RYR2: variants seen among roughly 807,000 people sequenced by gnomAD.
The protein encoded by RYR2 is ryanodine receptor 2, also known as cardiac muscle ryanodine receptor-calcium release channel.
Under a neutral mutation model 601.1 loss-of-function variants are expected in RYR2, and 227 were observed. The ratio of observed to expected loss-of-function variants is 0.38; its 90% confidence interval spans 0.34 to 0.42. RYR2 has a LOEUF of 0.42. Among genes scored for constraint, RYR2 ranks in the 10% least tolerant of loss-of-function variants. RYR2 has a pLI of 1.00. For missense variants in RYR2, 4,646 were observed against 6,156.5 expected (o/e 0.75, Z 8.21); for synonymous variants, 2,223 against 2,175.1 (o/e 1.02, Z -0.61).
intron 27 of RYR2, among the ~76,000 whole-genome samples, chr1:237,551,203 A>G (rs1670354253): frequency 6.6e-6 from 1 of 152,226 alleles, no homozygotes; most frequent in Admixed American, 6.5e-5. Context: ...AGGTTCTGCA[A>G]AGAATACATT....
rs544463008 is a variant in RYR2, at chr1:237,659,817, G to A, written c.8209-168G>A. Among the ~76,000 whole-genome samples the A allele has an allele frequency of 6.6e-4, 100 of 152,256 alleles. No individual in the cohort carries two copies. In the South Asian group the frequency reaches 0.019, roughly 30 times the overall value. ...CTGAAATTTAAAATAAAAGAAAATA[G>A]CATTGAATATCTTTATAGTGACTTA... On this transcript the variant is annotated intron_variant, in intron 54 of 104. Transcript: ENST00000366574.
intron 41 of RYR2, 86 bp downstream of exon 41, chr1:237,628,166 TA>T (rs1253114896): frequency 3.6e-6 from 5 of 1,383,420 alleles, no homozygotes; most frequent in Non-Finnish European, 4.9e-6. Context: ...ACTACATTGA[TA>T]AAAATATATT....
chr1:237,134,011 T>C (rs1340116896), intron 1 of RYR2, among the ~76,000 whole-genome samples: 5 of 150,092 alleles, frequency 3.3e-5, no homozygotes, highest in Admixed American at 2.6e-4. Flanking sequence ...CACGTTTCCG[T>C]TGGTGGTTAT....
At chr1:237,656,135 A>G (rs554647823) in intron 53 of RYR2, among the ~76,000 whole-genome samples, 151 bp downstream of exon 53, 141 of 152,264 alleles carry the variant, frequency 9.3e-4, no homozygotes, top group African/African-American at 3.3e-3. Context: ...ATAAAACGAT[A>G]GTAATAATAA....
intron 23 of RYR2, among the ~76,000 whole-genome samples, chr1:237,508,932 C>T (rs1013224882): frequency 6.6e-6 from 1 of 151,200 alleles, no homozygotes; most frequent in Non-Finnish European, 1.5e-5. Flanking sequence ...TTAGTAGAGA[C>T]GGGGTTTCAC....
intron 25 of RYR2, among the ~76,000 whole-genome samples, chr1:237,546,460 C>T (rs951466209): frequency 3.3e-5 from 5 of 152,176 alleles, no homozygotes; most frequent in Non-Finnish European, 7.3e-5. Flanking sequence ...TCACTGCAAC[C>T]TCTGCCTCCC....
intron 101 of RYR2, among the ~76,000 whole-genome samples, chr1:237,821,823 G>A (rs1192790906): frequency 6.6e-6 from 1 of 151,750 alleles, no homozygotes; most frequent in East Asian, 2.0e-4. Flanking sequence ...GATTAGAGGA[G>A]AACATAAATG....
intron 17 of RYR2, among the ~76,000 whole-genome samples, chr1:237,472,412 C>T (rs1660833818): frequency 6.6e-6 from 1 of 152,072 alleles, no homozygotes; most frequent in Non-Finnish European, 1.5e-5. Flanking sequence ...TTGGCAGGTC[C>T]CCAGTGCCTT....
Position 237,830,488 on chromosome 1 carries a change from G to C in RYR2, c.14656-42G>C, listed in dbSNP as rs1268561670. On this transcript the variant is annotated intron_variant, in intron 102 of 104. Coordinates refer to ENST00000366574, the MANE Select transcript of RYR2 (RefSeq NM_001035.3). The stretch of plus-strand genomic sequence containing the variant: ...GCGAGTTGTGTTTTCCTTTTGTTTT[G>C]CTTTCTGAACTCTGACGTTAATATT... 3 of 1,228,700 alleles carry C rather than the reference G, an allele frequency of 2.4e-6. No homozygotes were observed. In the South Asian group the frequency reaches 3.6e-5, roughly 15 times the overall value. 76.1% of individuals were successfully genotyped at this position (1,228,700 alleles called of 1,614,324 possible). A position where few individuals can be genotyped will look rare whatever the true frequency, so the allele number is the denominator to read the frequency against.
intron 2 of RYR2, among the ~76,000 whole-genome samples, chr1:237,310,034 C>T (rs1369473620): frequency 6.6e-6 from 1 of 152,206 alleles, no homozygotes. Flanking sequence ...CAGCTCCAGC[C>T]TCGGCCAGCA....
At chr1:237,061,243 A>ATCTATCTATCTG (rs1662805301) in intron 1 of RYR2, among the ~76,000 whole-genome samples, 1 of 132,830 alleles carries the variant, frequency 7.5e-6, no homozygotes, top group Admixed American at 7.6e-5. Context: ...CTATCTATCT[A>ATCTATCTATCTG]TCTATCTATC....
At chr1:237,317,539 G>T (rs1177650434) in intron 2 of RYR2, among the ~76,000 whole-genome samples, 1 of 152,030 alleles carries the variant, frequency 6.6e-6, no homozygotes, top group Non-Finnish European at 1.5e-5. Context: ...TCTATATGTT[G>T]CATCCCTGCT....
intron 2 of RYR2, among the ~76,000 whole-genome samples, chr1:237,321,784 T>C (rs934797356): frequency 3.9e-5 from 6 of 152,114 alleles, no homozygotes; most frequent in African/African-American, 1.2e-4. Flanking sequence ...AATAAGTTCT[T>C]TAGAGGGGAT....
intron 1 of RYR2, among the ~76,000 whole-genome samples, chr1:237,170,837 G>A (rs1295979071): frequency 6.6e-6 from 1 of 152,166 alleles, no homozygotes; most frequent in Non-Finnish European, 1.5e-5. Context: ...ATGTGTAGGT[G>A]TAGGTTTCTG....
intron 2 of RYR2, among the ~76,000 whole-genome samples, chr1:237,311,890 C>G (rs1252394163): frequency 6.6e-6 from 1 of 152,162 alleles, no homozygotes; most frequent in Non-Finnish European, 1.5e-5. Flanking sequence ...TGAAATAATA[C>G]TGAGAAACCA....
chr1:237,660,896 A>C lies in RYR2; in HGVS notation c.8385A>C (p.Gly2795=). 6.5e-7 allele frequency: 1 copy of C among 1,535,058 alleles called. No individual in the cohort carries two copies. Among genetic ancestry groups the C allele is most frequent in the Non-Finnish European group, 8.8e-7 (1 of 1,137,478 alleles). Residue 2795 remains glycine (G), a synonymous_variant, in exon 56 of 105, where the codon GGA becomes GGC. Transcript: ENST00000366574. ...GGAGAATTGAAAGAACTCGGGAGGG[A>C]GACAGCATGGCCCTTTACAACCGGA... ...WGWRIERTRE[G]DSMALYNRTR... is the part of the protein sequence containing the mutation.
At chr1:237,467,271 T>C (rs1402265062) in intron 16 of RYR2, among the ~76,000 whole-genome samples, 1 of 149,686 alleles carries the variant, frequency 6.7e-6, no homozygotes, top group African/African-American at 2.4e-5. Flanking sequence ...TATATAAAAT[T>C]AGTTTTACAA....
chr1:237,795,430 A>T (rs928978426), intron 96 of RYR2, 99 bp downstream of exon 96: 6 of 618,116 alleles, frequency 9.7e-6, no homozygotes, highest in African/African-American at 2.0e-5. Context: ...GGTATAATTT[A>T]TCTGCCTATT....
chr1:237,182,305 A>G (rs752983694), intron 1 of RYR2, among the ~76,000 whole-genome samples: 5 of 151,990 alleles, frequency 3.3e-5, no homozygotes, highest in Non-Finnish European at 5.9e-5. Flanking sequence ...TATTTTTAGT[A>G]GAGACGGGAT....
Sources: allele counts gnomAD v4.1 joint callset (sites outside exome capture counted in the v4.1 genomes callset), GRCh38; gene constraint gnomAD v4.1.1; transcripts MANE v1.5; gene names NCBI Gene and HGNC (gene_info 2026-07-23, HGNC 2026-07-21).